ACSF3: variants seen among roughly 807,000 people sequenced by gnomAD.
ACSF3 encodes acyl-CoA synthetase family member 3.
ACSF3 carries 78 observed loss-of-function variants against 53.2 expected under a neutral mutation model. The observed-to-expected ratio is 1.47, with a 90% confidence interval of 1.22 to 1.77. The LOEUF (loss-of-function observed/expected upper bound fraction) is 1.77, where lower values mean the gene tolerates loss of function less well. Among genes scored for constraint, ACSF3 ranks in the 40% most tolerant of loss-of-function variants. The pLI is 0.00. For missense variants in ACSF3, 937 were observed against 771.1 expected (o/e 1.22, Z -2.55); for synonymous variants, 414 against 333.1 (o/e 1.24, Z -2.65).
intron 8 of ACSF3, among the ~76,000 whole-genome samples, chr16:89,133,719 A>G (rs1013872810): frequency 2.4e-4 from 37 of 152,062 alleles, no homozygotes; most frequent in African/African-American, 8.0e-4. Flanking sequence ...CCTTCTCCCC[A>G]CCAGAGTCAG....
intron 4 of ACSF3, 40 bp from the exon 5 acceptor site, chr16:89,112,052 C>T (rs1463132507): frequency 6.2e-7 from 1 of 1,613,720 alleles, no homozygotes; most frequent in East Asian, 2.2e-5. Flanking sequence ...GGCCCCAGTG[C>T]CTGCTCATCT....
rs1324317784 is a variant in ACSF3, at chr16:89,102,363, G to A, written c.667-241G>A. ...TCCCCGACCTTCTAAATTCCCTAAA[G>A]CCTCTGGCTGTGTGTGGCGCTGTCC... On this transcript the variant is annotated intron_variant, in intron 3 of 10. Coordinates refer to ENST00000614302, the MANE Select transcript of ACSF3 (RefSeq NM_001243279.3). The A allele has an allele frequency of 5.2e-6, 3 of 572,468 alleles. No individual in the cohort carries two copies. The African/African-American group carries it at 5.6e-5, about 11-fold the overall frequency. The allele number at this position is 572,468 out of a possible 1,614,324, so 35.5% of individuals were successfully genotyped here.
intron 8 of ACSF3, among the ~76,000 whole-genome samples, chr16:89,141,758 A>G (rs993895606): frequency 6.6e-6 from 1 of 152,088 alleles, no homozygotes; most frequent in Non-Finnish European, 1.5e-5. Flanking sequence ...CTGGGCTGAG[A>G]GCGGCACCAC....
chr16:89,147,144 C>G (rs573484650), intron 10 of ACSF3, among the ~76,000 whole-genome samples: 10 of 141,722 alleles, frequency 7.1e-5, no homozygotes, highest in Non-Finnish European at 1.2e-4. Flanking sequence ...AGGGAGGAGC[C>G]ACAGAGTGAG....
intron 10 of ACSF3, chr16:89,149,013 A>G (rs1269195016): frequency 6.6e-6 from 1 of 152,034 alleles, no homozygotes; most frequent in African/African-American, 2.4e-5. Flanking sequence ...CAGGCTGCAA[A>G]TTTTCCAAAT....
intron 7 of ACSF3, among the ~76,000 whole-genome samples, chr16:89,125,500 C>T (rs1459426396): frequency 6.6e-6 from 1 of 152,044 alleles, no homozygotes; most frequent in African/African-American, 2.4e-5. Context: ...TCAAGACCAG[C>T]CTGGCCAACA....
intron 4 of ACSF3, among the ~76,000 whole-genome samples, chr16:89,111,403 G>A (rs1044635489): frequency 2.0e-5 from 3 of 152,250 alleles, no homozygotes; most frequent in Non-Finnish European, 2.9e-5. Context: ...TTTCAACGCC[G>A]TGTGGGCGAG....
Position 89,145,972 on chromosome 16 carries a change from G to T in ACSF3, c.1536G>T (p.Trp512Cys). ...VAVIGVPDMT[W>C]GQRVTAVVTL... Reference sequence around the variant, plus strand: ...TGATTGGAGTTCCGGATATGACATGGGGCCAGCGGGTCACTGCTGTGGTGA... The same window carrying T: ...TGATTGGAGTTCCGGATATGACATGTGGCCAGCGGGTCACTGCTGTGGTGA... The change falls in exon 10 of 11, where the codon TGG becomes TGT. Residue 512 changes from tryptophan (W) to cysteine (C), a missense_variant. By Grantham distance (215) the Trp-to-Cys change is radical. Transcript: ENST00000614302. 1.9e-6 allele frequency: 3 copies of T among 1,614,118 alleles called. No individual in the cohort carries two copies. The highest frequency in any genetic ancestry group is 2.5e-6 in the Non-Finnish European group (3 of 1,179,994).
rs1438505690 is a variant in ACSF3, at chr16:89,114,450, T to C, written c.1089T>C (p.Ala363=). The part of the protein sequence containing the change: ...ERYGMTEIGM[A]LSGPLTTAVR... ...ATGGCATGACCGAGATCGGCATGGC[T>C]CTGTCCGGGCCCCTGACCACTGCCG... The change falls in exon 6 of 11, where the codon GCT becomes GCC. Residue 363 remains alanine (A), a synonymous_variant. Coordinates refer to ENST00000614302, the MANE Select transcript of ACSF3 (RefSeq NM_001243279.3). The C allele has an allele frequency of 6.2e-7, 1 of 1,613,236 alleles. No homozygotes were observed. The highest frequency in any genetic ancestry group is 8.5e-7 in the Non-Finnish European group (1 of 1,180,002).
rs572833380 is a variant in ACSF3, at chr16:89,109,446, C to G, written c.823-2646C>G. 8.4e-5 allele frequency among the ~76,000 whole-genome samples: 9 copies of G among 107,542 alleles called. 1 individual carries two copies. The South Asian group carries it at 2.3e-3, about 28-fold the overall frequency. 70.6% of individuals were successfully genotyped at this position (107,542 alleles called of 152,430 possible). A position where few individuals can be genotyped will look rare whatever the true frequency, so the allele number is the denominator to read the frequency against. ...TTTTTTTTTGAGATGGAGTCTCACT[C>G]TGTCGCTCAGGCTGGAGTGCAGTGG... On this transcript the variant is annotated intron_variant, in intron 4 of 10. Transcript: ENST00000614302.
chr16:89,103,876 C>T lies in ACSF3; in HGVS notation c.822+1117C>T, dbSNP rs376822551. On this transcript the variant is annotated intron_variant, in intron 4 of 10. Coordinates refer to ENST00000614302, the MANE Select transcript of ACSF3 (RefSeq NM_001243279.3). ...GCGCTGGGGTGGGAGCAGTCATCGC[C>T]GAGCTGCTGCGCGCAGCCTTGCCTG... Among the ~76,000 whole-genome samples the T allele has an allele frequency of 9.8e-5, 15 of 152,322 alleles. No homozygotes were observed. The East Asian group carries it at 1.4e-3, about 14-fold the overall frequency.
chr16:89,128,250 T>TA (rs1367603719), intron 7 of ACSF3, among the ~76,000 whole-genome samples: 3 of 149,980 alleles, frequency 2.0e-5, no homozygotes, highest in Non-Finnish European at 4.4e-5. Flanking sequence ...TATATATATA[T>TA]TTTTTTCTTT....
At chr16:89,139,848 G>C (rs11649694) in intron 8 of ACSF3, among the ~76,000 whole-genome samples, 31,006 of 151,854 alleles carry the variant, frequency 0.2, 3,614 homozygotes, top group East Asian at 0.4. Flanking sequence ...CCACCTCAGC[G>C]TCCCAAAGTG....
chr16:89,099,953 C>T (rs1190330393), intron 2 of ACSF3, among the ~76,000 whole-genome samples: 1 of 147,974 alleles, frequency 6.8e-6, no homozygotes, highest in African/African-American at 2.5e-5. Flanking sequence ...CCAGCCTGGG[C>T]AATACAGTGA....
intron 5 of ACSF3, among the ~76,000 whole-genome samples, chr16:89,113,023 G>C (rs947318431): frequency 2.0e-5 from 3 of 152,198 alleles, no homozygotes; most frequent in African/African-American, 4.8e-5. Context: ...ACTCTCCCAT[G>C]AACCTGCAGG....
chr16:89,141,044 CTT>C, intron 8 of ACSF3: 2 of 1,255,270 alleles, frequency 1.6e-6, no homozygotes, highest in Non-Finnish European at 2.1e-6. Flanking sequence ...GGTTATTTAA[CTT>C]GTTTGACTTG....
chr16:89,124,996 T>G (rs897540315), intron 7 of ACSF3, among the ~76,000 whole-genome samples: 1 of 152,214 alleles, frequency 6.6e-6, no homozygotes, highest in African/African-American at 2.4e-5. Flanking sequence ...GTAGTGTGAT[T>G]TCACCAGCTT....
At chr16:89,139,795 A>T (rs1038769692) in intron 8 of ACSF3, among the ~76,000 whole-genome samples, 3 of 151,792 alleles carry the variant, frequency 2.0e-5, no homozygotes, top group African/African-American at 4.8e-5. Flanking sequence ...GGGTTTCACC[A>T]TGTTGGCCAG....
intron 1 of ACSF3, among the ~76,000 whole-genome samples, chr16:89,094,239 G>A (rs1167122497): frequency 6.6e-6 from 1 of 152,132 alleles, no homozygotes; most frequent in Non-Finnish European, 1.5e-5. Flanking sequence ...TGCGGACGCC[G>A]GGCCCGGTGA....
Sources: allele counts gnomAD v4.1 joint callset (sites outside exome capture counted in the v4.1 genomes callset), GRCh38; gene constraint gnomAD v4.1.1; transcripts MANE v1.5; gene names NCBI Gene and HGNC (gene_info 2026-07-23, HGNC 2026-07-21).